SUCLG2: variants seen among roughly 807,000 people sequenced by gnomAD.
SUCLG2 encodes the protein succinate--CoA ligase [GDP-forming] subunit beta, mitochondrial.
A neutral mutation model predicts 47.9 loss-of-function variants in SUCLG2; 42 were observed. The observed-to-expected ratio is 0.88, with a 90% CI of 0.69 to 1.14. The LOEUF (loss-of-function observed/expected upper bound fraction) is 1.14. Ranked by LOEUF, SUCLG2 falls within the 50% of genes most tolerant of loss-of-function variation. The pLI is 0.00. For missense variants in SUCLG2, 571 were observed against 525.9 expected, an observed-to-expected ratio of 1.09 and a Z score of -0.84; for synonymous variants, 195 against 197.3, an observed-to-expected ratio of 0.99 and a Z score of 0.10.
intron 2 of SUCLG2, among the ~76,000 whole-genome samples, chr3:67,580,630 T>C (rs1233000630): frequency 6.6e-6 from 1 of 152,172 alleles, no homozygotes; most frequent in Non-Finnish European, 1.5e-5. Flanking sequence ...ACGGCAGAGA[T>C]TGTCCCTTGA....
At chr3:67,401,916 T>A (rs562855321) in intron 9 of SUCLG2, among the ~76,000 whole-genome samples, 9 of 152,354 alleles carry the variant, frequency 5.9e-5, no homozygotes, top group African/African-American at 9.6e-5. Flanking sequence ...ATCACACAAA[T>A]CCTTATTTTT....
At chr3:67,536,448 T>C (rs1706544705) in intron 2 of SUCLG2, among the ~76,000 whole-genome samples, 1 of 152,218 alleles carries the variant, frequency 6.6e-6, no homozygotes, top group Non-Finnish European at 1.5e-5. Flanking sequence ...ACAACTACTG[T>C]CCAGAATCTT....
At chr3:67,393,103 G>A (rs982992679) in intron 10 of SUCLG2, among the ~76,000 whole-genome samples, 3 of 152,200 alleles carry the variant, frequency 2.0e-5, no homozygotes, top group African/African-American at 7.2e-5. Context: ...CGCAGAAGAC[G>A]GGTGATTTCT....
At chr3:67,612,596 T>A (rs951762348) in intron 1 of SUCLG2, among the ~76,000 whole-genome samples, 1 of 152,200 alleles carries the variant, frequency 6.6e-6, no homozygotes, top group Admixed American at 6.5e-5. Context: ...GTTAAAACAA[T>A]CAGGAAATGT....
intron 9 of SUCLG2, among the ~76,000 whole-genome samples, chr3:67,424,330 T>C (rs1276240852): frequency 1.3e-5 from 2 of 152,242 alleles, no homozygotes; most frequent in East Asian, 1.9e-4. Context: ...ATTATCTTTT[T>C]GACATCTCTA....
intron 9 of SUCLG2, among the ~76,000 whole-genome samples, chr3:67,422,372 G>A (rs1000891558): frequency 6.7e-6 from 1 of 149,382 alleles, no homozygotes; most frequent in South Asian, 2.1e-4. Context: ...CTACTCTGGA[G>A]GCTGAGGCAG....
chr3:67,497,234 G>A (rs1705371437), intron 8 of SUCLG2, among the ~76,000 whole-genome samples: 1 of 152,044 alleles, frequency 6.6e-6, no homozygotes, highest in Admixed American at 6.5e-5. Context: ...TCTTGGATGA[G>A]GTCTCTTCAG....
chr3:67,449,412 C>T (rs2106932392), intron 9 of SUCLG2, among the ~76,000 whole-genome samples: 1 of 152,266 alleles, frequency 6.6e-6, no homozygotes, highest in Admixed American at 6.5e-5. Context: ...GCCCAAAACT[C>T]TATATTCATT....
intron 9 of SUCLG2, among the ~76,000 whole-genome samples, chr3:67,483,236 T>C (rs1559542841): frequency 6.8e-6 from 1 of 146,516 alleles, no homozygotes; most frequent in East Asian, 2.0e-4. Context: ...GGACAAAACT[T>C]AAAAAAAAAA....
At chr3:67,495,772 A>C (rs1705319492) in intron 9 of SUCLG2, 26 bp downstream of exon 9, 1 of 1,611,988 alleles carries the variant, frequency 6.2e-7, no homozygotes, top group African/African-American at 1.3e-5. Flanking sequence ...ACTGGCATAT[A>C]ATCTCCCTAC....
At chr3:67,584,980 G>C (rs1407347055) in intron 2 of SUCLG2, among the ~76,000 whole-genome samples, 2 of 152,152 alleles carry the variant, frequency 1.3e-5, no homozygotes, top group African/African-American at 2.4e-5. Context: ...GATTTAGGTA[G>C]GGACACAGCC....
chr3:67,526,956 A>C (rs149335233), intron 4 of SUCLG2, among the ~76,000 whole-genome samples: 4 of 152,340 alleles, frequency 2.6e-5, no homozygotes, highest in African/African-American at 9.6e-5. Context: ...ATGGTTAAAC[A>C]AACTGTGGTA....
chr3:67,378,271 C>T (rs536790386), intron 10 of SUCLG2, among the ~76,000 whole-genome samples: 1 of 152,304 alleles, frequency 6.6e-6, no homozygotes, highest in East Asian at 1.9e-4. Flanking sequence ...CACAGCCTTA[C>T]TTCTAATAGA....
chr3:67,435,648 C>G (rs1703601194), intron 9 of SUCLG2, among the ~76,000 whole-genome samples: 1 of 152,048 alleles, frequency 6.6e-6, no homozygotes. Context: ...TCTAAGGTTG[C>G]AAGAATAGGA....
chr3:67,581,814 G>A (rs1345792603), intron 2 of SUCLG2, among the ~76,000 whole-genome samples: 1 of 152,078 alleles, frequency 6.6e-6, no homozygotes, highest in Non-Finnish European at 1.5e-5. Context: ...AAGACCCGGT[G>A]GTATTTAAGG....
At chr3:67,635,213 G>C (rs1363741933) in intron 1 of SUCLG2, among the ~76,000 whole-genome samples, 1 of 152,164 alleles carries the variant, frequency 6.6e-6, no homozygotes, top group East Asian at 1.9e-4. Context: ...AAAGAGGTAG[G>C]AACTGTGGCA....
intron 1 of SUCLG2, among the ~76,000 whole-genome samples, chr3:67,625,668 C>A (rs188652607): frequency 5.5e-4 from 84 of 152,282 alleles, no homozygotes; most frequent in Non-Finnish European, 2.2e-4. Flanking sequence ...CTTCTCAGGG[C>A]AGAAGAAACA....
chr3:67,645,685 T>C (rs1701177970), intron 1 of SUCLG2, among the ~76,000 whole-genome samples: 1 of 152,174 alleles, frequency 6.6e-6, no homozygotes, highest in South Asian at 2.1e-4. Context: ...TCATCATTAA[T>C]AGTTTATTCC....
chr3:67,408,981 C>G, intron 9 of SUCLG2: 1 of 1,535,314 alleles, frequency 6.5e-7, no homozygotes, highest in Non-Finnish European at 8.7e-7. Flanking sequence ...CAAGAACGTG[C>G]TTCTGAGTCC....
Sources: allele counts gnomAD v4.1 joint callset (sites outside exome capture counted in the v4.1 genomes callset), GRCh38; gene constraint gnomAD v4.1.1; transcripts MANE v1.5; gene names NCBI Gene and HGNC (gene_info 2026-07-23, HGNC 2026-07-21).